NFYB: variants seen among roughly 807,000 people sequenced by gnomAD.
NFYB encodes the protein nuclear transcription factor Y subunit beta, also known as CAAT box DNA-binding protein subunit B.
NFYB carries 13 observed loss-of-function variants against 28.0 expected under a neutral mutation model. The ratio of observed to expected loss-of-function variants is 0.46; its 90% confidence interval spans 0.30 to 0.74. The LOEUF (loss-of-function observed/expected upper bound fraction) is 0.74, where lower values mean the gene tolerates loss of function less well. Ranked by LOEUF, NFYB falls within the 30% of genes least tolerant of loss-of-function variation. The probability of loss-of-function intolerance (pLI) is 0.07; values close to 1 mark genes in which losing one functional copy is unlikely to be tolerated. For missense variants in NFYB, 142 were observed against 247.6 expected, an observed-to-expected ratio of 0.57 and a Z score of 2.86; for synonymous variants, 74 against 75.0, an observed-to-expected ratio of 0.99 and a Z score of 0.07.
intron 2 of NFYB, among the ~76,000 whole-genome samples, chr12:104,130,171 G>C (rs575666877): frequency 8.5e-5 from 13 of 152,274 alleles, no homozygotes; most frequent in Admixed American, 5.9e-4. Flanking sequence ...TGAATAAAAA[G>C]TATAGCAAAA....
At position 104,123,530 on chromosome 12, in the gene NFYB, A is replaced by T. The variant is rs192430043; in HGVS notation, c.232-107T>A. On this transcript the variant is annotated intron_variant, in intron 4 of 7. Transcript: ENST00000240055. Reference sequence around the variant, plus strand: ...AAGAACACATCTTCACTTTATGACTATTTAATCTCTTAAATATATGTTATA... The same window carrying T: ...AAGAACACATCTTCACTTTATGACTTTTTAATCTCTTAAATATATGTTATA... 211 of 789,606 alleles carry T rather than the reference A, an allele frequency of 2.7e-4. 1 individual carries two copies. The East Asian group carries it at 5.5e-3, about 20-fold the overall frequency. The allele number at this position is 789,606 out of a possible 1,614,324, so 48.9% of individuals were successfully genotyped here.
chr12:104,135,422 C>T, intron 2 of NFYB, 26 bp downstream of exon 2: 1 of 1,579,760 alleles, frequency 6.3e-7, no homozygotes, highest in Non-Finnish European at 8.6e-7. Context: ...ATCTAATTAA[C>T]AACCAAAATG....
intron 2 of NFYB, among the ~76,000 whole-genome samples, chr12:104,129,828 G>A (rs1277736913): frequency 2.0e-5 from 3 of 152,234 alleles, no homozygotes; most frequent in Non-Finnish European, 2.9e-5. Context: ...TGAGGCTGCA[G>A]TGAGCTGTGA....
In NFYB at chr12:104,119,694, G is replaced by C. The variant is rs1383017308; in HGVS notation, c.*43C>G. The stretch of plus-strand genomic sequence containing the variant: ...GATGTCTCTGTTCCAGAATCATACA[G>C]ACTCTCATTTCTCTACACTCCCCAT... On this transcript the variant is annotated 3_prime_UTR_variant, in exon 8 of 8. Transcript: ENST00000240055. 2.1e-6 allele frequency: 3 copies of C among 1,456,976 alleles called. No individual in the cohort carries two copies. Among genetic ancestry groups the C allele is most frequent in the Non-Finnish European group, 2.9e-6 (3 of 1,042,098 alleles). 90.3% of individuals were successfully genotyped at this position (1,456,976 alleles called of 1,614,324 possible).
At chr12:104,120,589 T>A in intron 6 of NFYB, 110 bp from the exon 7 acceptor site, 2 of 739,858 alleles carry the variant, frequency 2.7e-6, no homozygotes, top group South Asian at 3.2e-5. Context: ...CCGGTATCAA[T>A]GATGTAGTCT....
chr12:104,138,003 C>CGCGGGAGG (rs2031186167), intron 1 of NFYB, 138 bp downstream of exon 1: 2 of 145,802 alleles, frequency 1.4e-5, no homozygotes, highest in Admixed American at 6.8e-5. Context: ...CCTCGGCCCG[C>CGCGGGAGG]GCGGGAGGGC....
chr12:104,129,817 T>C (rs1201522882), intron 2 of NFYB, among the ~76,000 whole-genome samples: 2 of 152,026 alleles, frequency 1.3e-5, no homozygotes, highest in African/African-American at 4.8e-5. Flanking sequence ...GCCTAGGAGG[T>C]TGAGGCTGCA....
chr12:104,138,146 A>G lies in NFYB; in HGVS notation c.-85T>C, dbSNP rs1176358858. Reference sequence around the variant, plus strand: ...GGCCGAAGCGAGACACAAACCTCCAATGCAGCCCTGGTTGGCTCCCGTCTC... The same window carrying G: ...GGCCGAAGCGAGACACAAACCTCCAGTGCAGCCCTGGTTGGCTCCCGTCTC... On this transcript the variant is annotated 5_prime_UTR_variant, in exon 1 of 8. Coordinates refer to ENST00000240055, the MANE Select transcript of NFYB (RefSeq NM_006166.4). 6.7e-6 allele frequency: 1 copy of G among 148,510 alleles called. No homozygotes were observed. The highest frequency in any genetic ancestry group is 2.4e-5 in the African/African-American group (1 of 41,084). 9.2% of individuals were successfully genotyped at this position (148,510 alleles called of 1,614,324 possible). A position where few individuals can be genotyped will look rare whatever the true frequency, so the allele number is the denominator to read the frequency against.
Position 104,121,289 on chromosome 12 carries a change from T to A in NFYB, c.462A>T (p.Ala154=), listed in dbSNP as rs767096546. 3 of 1,612,796 alleles carry A rather than the reference T, an allele frequency of 1.9e-6. No individual in the cohort carries two copies. The highest frequency in any genetic ancestry group is 2.2e-5 in the South Asian group (2 of 91,024). The stretch of plus-strand genomic sequence containing the variant: ...CACTTAGTCCATCTGTAGCTGTGAC[T>A]GCTCCACCAATTCCCTTTTCTCCTT... ...AMKGEKGIGG[A]VTATDGLSEE... is the part of the protein sequence containing the mutation. The change falls in exon 6 of 8, where the codon GCA becomes GCT. Residue 154 remains alanine, a synonymous_variant. Transcript: ENST00000240055.
rs2030708821 is a variant in NFYB, at chr12:104,126,213, G to A, written c.132C>T (p.Asp44=). The change falls in exon 4 of 8, where the codon GAC becomes GAT. Residue 44 remains aspartate, a synonymous_variant. Coordinates refer to ENST00000240055, the MANE Select transcript of NFYB (RefSeq NM_006166.4). ...DTEDSMNDHE[D]TNGSKESFRE... ...TGAAACTTTCTTTTGAACCATTTGT[G>A]TCTTCATGATCATTCATGCTGTCCT... 2 of 1,602,826 alleles carry A rather than the reference G, an allele frequency of 1.2e-6. No homozygotes were observed. Among genetic ancestry groups the A allele is most frequent in the Non-Finnish European group, 1.7e-6 (2 of 1,175,064 alleles).
At chr12:104,121,410 T>G (rs562197777) in intron 5 of NFYB, 89 bp from the exon 6 acceptor site, 12 of 1,064,016 alleles carry the variant, frequency 1.1e-5, no homozygotes, top group Admixed American at 2.0e-5. Flanking sequence ...AATTAGGAGC[T>G]TCTATTATTA....
chr12:104,124,796 T>C (rs577606070), intron 4 of NFYB, among the ~76,000 whole-genome samples: 27 of 152,364 alleles, frequency 1.8e-4, no homozygotes, highest in African/African-American at 5.3e-4. Context: ...ACCAGCGGCA[T>C]AGCTGGTCAT....
intron 5 of NFYB, among the ~76,000 whole-genome samples, chr12:104,122,609 C>T (rs565939380): frequency 6.6e-6 from 1 of 152,232 alleles, no homozygotes; most frequent in South Asian, 2.1e-4. Flanking sequence ...CTAGGCTGTG[C>T]GTTCCTTATG....
chr12:104,123,122 G>A, intron 5 of NFYB, 104 bp downstream of exon 5: 1 of 832,410 alleles, frequency 1.2e-6, no homozygotes, highest in Non-Finnish European at 1.9e-6. Context: ...GTTGCAGTGA[G>A]CCGAGATCTT....
At position 104,135,499 on chromosome 12, in the gene NFYB, A is replaced by G. The variant is rs2031069031; in HGVS notation, c.-46T>C. 1 of 1,539,884 alleles carries G rather than the reference A, an allele frequency of 6.5e-7. No individual in the cohort carries two copies. The highest frequency in any genetic ancestry group is 8.8e-7 in the Non-Finnish European group (1 of 1,141,944). ...TTGTCAGTGGTGCTGAAGAACACCT[A>G]TCTAAAAAGGTGTCTAATCTTTGTG... On this transcript the variant is annotated 5_prime_UTR_variant, in exon 2 of 8. Coordinates refer to ENST00000240055, the MANE Select transcript of NFYB (RefSeq NM_006166.4).
chr12:104,124,190 A>G (rs2030593246), intron 4 of NFYB, among the ~76,000 whole-genome samples: 3 of 152,230 alleles, frequency 2.0e-5, no homozygotes, highest in South Asian at 2.1e-4. Context: ...CTGAATTCAC[A>G]TAAGGCTTGG....
intron 1 of NFYB, among the ~76,000 whole-genome samples, chr12:104,137,045 C>T (rs1441083586): frequency 6.6e-6 from 1 of 152,114 alleles, no homozygotes; most frequent in Non-Finnish European, 1.5e-5. Flanking sequence ...CTGATTAGTG[C>T]CACTGATATT....
rs182197852 is a variant in NFYB, at chr12:104,133,745, T to A, written c.6+1703A>T. Among the ~76,000 whole-genome samples, 259 of 152,296 alleles carry A rather than the reference T, an allele frequency of 1.7e-3. 1 individual carries two copies. Among genetic ancestry groups the A allele is most frequent in the African/African-American group, 6.0e-3 (248 of 41,558 alleles). On this transcript the variant is annotated intron_variant, in intron 2 of 7. Coordinates refer to ENST00000240055, the MANE Select transcript of NFYB (RefSeq NM_006166.4). ...CTGGGTTACATTCCTTTTATCTATC[T>A]GAGGATAAGAAATAATACAAAGATT...
chr12:104,128,521 T>G lies in NFYB; in HGVS notation c.7-4A>C. 6.2e-7 allele frequency: 1 copy of G among 1,605,896 alleles called. No individual in the cohort carries two copies. On this transcript the variant is annotated splice_region_variant and splice_polypyrimidine_tract_variant and intron_variant, in intron 2 of 7. Coordinates refer to ENST00000240055, the MANE Select transcript of NFYB (RefSeq NM_006166.4). ...TTGTAGAACTGTCACCATCCATCTA[T>G]GAGGAGAAAAACAGTTTTTCAATAC...
Sources: allele counts gnomAD v4.1 joint callset (sites outside exome capture counted in the v4.1 genomes callset), GRCh38; gene constraint gnomAD v4.1.1; transcripts MANE v1.5; gene names NCBI Gene and HGNC (gene_info 2026-07-23, HGNC 2026-07-21).